The following MAGI1 variants were observed in gnomAD, a reference collection of about 807,000 sequenced individuals.
MAGI1 encodes the protein membrane associated guanylate kinase, WW and PDZ domain containing 1.
MAGI1 carries 58 observed loss-of-function variants against 139.9 expected under a neutral mutation model. That is an observed-to-expected ratio of 0.41 (90% CI 0.34 to 0.52). The LOEUF is 0.52. MAGI1 is among the 20% of genes least tolerant of loss of function. The pLI, the probability that MAGI1 is intolerant of heterozygous loss-of-function variation, is 0.12. For synonymous variants in MAGI1, 812 were observed against 737.9 expected (o/e 1.10, Z -1.63); for missense variants, 1,874 against 1,901.6 (o/e 0.99, Z 0.27).
chr3:65,863,351 G>A (rs954189892), intron 1 of MAGI1, among the ~76,000 whole-genome samples: 2 of 152,198 alleles, frequency 1.3e-5, no homozygotes, highest in African/African-American at 4.8e-5. Context: ...CTTCTGGAGA[G>A]AGAGGCTAAG....
At chr3:65,535,716 T>C (rs17073071) in intron 2 of MAGI1, among the ~76,000 whole-genome samples, 1,808 of 152,270 alleles carry the variant, frequency 0.012, 31 homozygotes, top group African/African-American at 0.04. Context: ...AAGGGGATGA[T>C]TCAAAGGAAA....
chr3:65,741,533 CTTG>C (rs896100206), intron 1 of MAGI1, among the ~76,000 whole-genome samples: 5 of 152,148 alleles, frequency 3.3e-5, no homozygotes, highest in Non-Finnish European at 7.4e-5. Flanking sequence ...ATAAAAAGTT[CTTG>C]TTGTTGGCTC....
At chr3:65,362,658 C>T (rs1940988707) in intron 21 of MAGI1, among the ~76,000 whole-genome samples, 1 of 152,202 alleles carries the variant, frequency 6.6e-6, no homozygotes, top group African/African-American at 2.4e-5. Context: ...GTGTTACGAT[C>T]CTCACCCTTA....
chr3:65,401,202 C>A (rs1944860159), intron 13 of MAGI1, among the ~76,000 whole-genome samples: 1 of 152,152 alleles, frequency 6.6e-6, no homozygotes, highest in African/African-American at 2.4e-5. Context: ...AACATGCATT[C>A]TTTATCCTGG....
At chr3:65,853,220 T>A (rs1235752540) in intron 1 of MAGI1, among the ~76,000 whole-genome samples, 1 of 152,074 alleles carries the variant, frequency 6.6e-6, no homozygotes, top group Non-Finnish European at 1.5e-5. Context: ...ATCAGCAGCA[T>A]CTTTGTTAAT....
chr3:65,391,608 A>T (rs1458760947), intron 13 of MAGI1, among the ~76,000 whole-genome samples: 1 of 152,210 alleles, frequency 6.6e-6, no homozygotes, highest in Non-Finnish European at 1.5e-5. Context: ...GCTACAGCGG[A>T]AAACAAATCT....
intron 2 of MAGI1, among the ~76,000 whole-genome samples, chr3:65,554,629 C>T (rs578225009): frequency 3.3e-5 from 5 of 152,254 alleles, no homozygotes; most frequent in Non-Finnish European, 4.4e-5. Context: ...TTCATTTTGC[C>T]TGAAAAATCC....
In MAGI1 at chr3:65,557,790, A is replaced by C. The variant is rs570205059; in HGVS notation, c.431-64159T>G. On this transcript the variant is annotated intron_variant, in intron 2 of 22. Transcript: ENST00000402939. ...AGGTGGGTGAATTAATTGTCCTAGC[A>C]ATACAACTGGAAGACTTCCCTTCAA... is the stretch of plus-strand genomic sequence containing the variant. Among the ~76,000 whole-genome samples, 7 of 152,304 alleles carry C rather than the reference A, an allele frequency of 4.6e-5. No homozygotes were observed. The East Asian group carries it at 1.4e-3, about 29-fold the overall frequency.
intron 1 of MAGI1, among the ~76,000 whole-genome samples, chr3:65,674,576 G>C (rs1037214376): frequency 1.3e-5 from 2 of 152,078 alleles, no homozygotes; most frequent in African/African-American, 4.8e-5. Context: ...TTAATTCCAA[G>C]GCTTTATGTT....
At chr3:65,608,717 A>G (rs911699618) in intron 2 of MAGI1, among the ~76,000 whole-genome samples, 4 of 152,212 alleles carry the variant, frequency 2.6e-5, no homozygotes, top group Admixed American at 2.6e-4. Context: ...TACTTTGGAA[A>G]CTATTTGGCA....
chr3:65,574,734 A>C (rs569640323), intron 2 of MAGI1, among the ~76,000 whole-genome samples: 2 of 152,238 alleles, frequency 1.3e-5, no homozygotes, highest in African/African-American at 2.4e-5. Context: ...TAATCAAGAC[A>C]GTGTTGTACT....
intron 1 of MAGI1, among the ~76,000 whole-genome samples, chr3:65,622,871 T>C (rs1409520643): frequency 1.3e-5 from 2 of 152,116 alleles, no homozygotes; most frequent in Non-Finnish European, 2.9e-5. Flanking sequence ...CTGGCCCTAC[T>C]ATAGCTTTTT....
chr3:65,549,493 G>A, intron 2 of MAGI1: 3 of 985,268 alleles, frequency 3.0e-6, no homozygotes, highest in Non-Finnish European at 3.6e-6. Context: ...CCTCATCCCC[G>A]CGCGTCTGAG....
intron 1 of MAGI1, among the ~76,000 whole-genome samples, chr3:65,918,165 A>G (rs1181032232): frequency 6.6e-6 from 1 of 152,032 alleles, no homozygotes; most frequent in Non-Finnish European, 1.5e-5. Context: ...TACAAAGAGA[A>G]TATCTACACA....
rs577358690 is a variant in MAGI1 at position 65,962,593 on chromosome 3, G to A, written c.313+75403C>T. Among the ~76,000 whole-genome samples, 10 of 151,956 alleles carry A rather than the reference G, an allele frequency of 6.6e-5. 1 individual carries two copies. The highest frequency in any genetic ancestry group is 2.2e-4 in the African/African-American group (9 of 41,474). On this transcript the variant is annotated intron_variant, in intron 1 of 22. Transcript: ENST00000402939. ...TTCACGTCTGTAATTACAGCACTTC[G>A]GGAGGCTGAGGTGGGAAGACTGCTT... is the stretch of plus-strand genomic sequence containing the variant.
intron 1 of MAGI1, among the ~76,000 whole-genome samples, chr3:65,923,009 T>C (rs999539334): frequency 3.9e-5 from 6 of 152,148 alleles, no homozygotes; most frequent in Non-Finnish European, 5.9e-5. Context: ...CAGAGGAGAT[T>C]TGCAAATTAT....
chr3:65,673,389 G>A (rs779230052), intron 1 of MAGI1, among the ~76,000 whole-genome samples: 33 of 152,010 alleles, frequency 2.2e-4, no homozygotes, highest in African/African-American at 6.5e-4. Flanking sequence ...GTTTTTTTAC[G>A]TAAAAACATG....
chr3:65,717,102 T>C (rs887441648), intron 1 of MAGI1, among the ~76,000 whole-genome samples: 2 of 152,178 alleles, frequency 1.3e-5, no homozygotes, highest in East Asian at 3.8e-4. Flanking sequence ...ATGAATCTTT[T>C]AAAAGAGGAG....
chr3:65,487,056 C>T (rs13099425), intron 3 of MAGI1, among the ~76,000 whole-genome samples: 1 of 152,068 alleles, frequency 6.6e-6, no homozygotes, highest in African/African-American at 2.4e-5. Flanking sequence ...CCATCACCAA[C>T]GTGGTTCAAA....
Sources: allele counts gnomAD v4.1 joint callset (sites outside exome capture counted in the v4.1 genomes callset), GRCh38; gene constraint gnomAD v4.1.1; transcripts MANE v1.5; gene names NCBI Gene and HGNC (gene_info 2026-07-23, HGNC 2026-07-21).